The following CFAP54 variants were observed in gnomAD, a reference collection of about 807,000 sequenced individuals.
The protein encoded by CFAP54 is cilia- and flagella-associated protein 54.
Under a neutral mutation model 370.4 loss-of-function variants are expected in CFAP54, and 290 were observed. The ratio of observed to expected loss-of-function variants is 0.78; its 90% CI spans 0.71 to 0.86. CFAP54 has a LOEUF of 0.86. Ranked by LOEUF, CFAP54 falls within the 40% of genes least tolerant of loss-of-function variation. The pLI, the probability that CFAP54 is intolerant of heterozygous loss-of-function variation, is 0.00. For synonymous variants in CFAP54, 1,206 were observed against 1,236.5 expected (o/e 0.98, Z 0.52); for missense variants, 3,399 against 3,528.7 (o/e 0.96, Z 0.93).
chr12:96,721,323 G>A (rs1558980), intron 50 of CFAP54, among the ~76,000 whole-genome samples: 73,449 of 151,990 alleles, frequency 0.48, 18,107 homozygotes, highest in South Asian at 0.54. Flanking sequence ...TAAATGTGCT[G>A]CAATTGTTAG....
intron 35 of CFAP54, 49 bp from the exon 36 acceptor site, chr12:96,651,539 C>A: frequency 6.9e-7 from 1 of 1,442,038 alleles, no homozygotes; most frequent in Non-Finnish European, 9.7e-7. Context: ...GTTCAGAGAT[C>A]TGTAACTTTT....
intron 67 of CFAP54, among the ~76,000 whole-genome samples, chr12:96,872,298 A>G (rs1393280713): frequency 6.6e-6 from 1 of 151,498 alleles, no homozygotes; most frequent in East Asian, 1.9e-4. Flanking sequence ...TGCTGAAAGA[A>G]AAAAAAAGTC....
Position 96,743,738 on chromosome 12 carries a change from T to C in CFAP54, c.7385T>C (p.Ile2462Thr), listed in dbSNP as rs746707476. Reference sequence around the variant, plus strand: ...ATAATTTTATTTTAATAGGATATAATACATTTGCTGGAAGGAAATGAATTT... The same window carrying C: ...ATAATTTTATTTTAATAGGATATAACACATTTGCTGGAAGGAAATGAATTT... ...ADIMTNLQDI[I>T]HLLEGNEFIS... Residue 2462 changes from isoleucine to threonine, a missense_variant, in exon 54 of 68, where the codon ATA becomes ACA. Around this residue, in one of 3 missense-constraint regions of CFAP54, gnomAD observed 2,796 missense variants for 2,869.7 expected, o/e 0.97. Coordinates refer to ENST00000524981, the MANE Select transcript of CFAP54 (RefSeq NM_001306084.2). 2.2e-5 allele frequency: 36 copies of C among 1,602,444 alleles called. No homozygotes were observed. In the East Asian group the frequency reaches 7.1e-4, roughly 32 times the overall value.
At position 96,544,091 on chromosome 12, in the gene CFAP54, C is replaced by A. The variant is rs557392527; in HGVS notation, c.2077+3104C>A. ...TCCTAAATCCATGTTTTGGCTTCTC[C>A]AAAACTTAACTCTAATAGCCTGCTG... is the stretch of plus-strand genomic sequence containing the variant. On this transcript the variant is annotated intron_variant, in intron 14 of 67. Coordinates refer to ENST00000524981, the MANE Select transcript of CFAP54 (RefSeq NM_001306084.2). Among the ~76,000 whole-genome samples, 92 of 152,188 alleles carry A rather than the reference C, an allele frequency of 6.0e-4. No homozygotes were observed. In the South Asian group the frequency reaches 6.6e-3, roughly 11 times the overall value.
chr12:96,513,080 T>G, intron 5 of CFAP54, 36 bp downstream of exon 5: 1 of 1,316,464 alleles, frequency 7.6e-7, no homozygotes, highest in Non-Finnish European at 1.0e-6. Flanking sequence ...TTCCCCTCTA[T>G]TTCCTGTTTT....
intron 40 of CFAP54, among the ~76,000 whole-genome samples, chr12:96,682,732 A>G (rs1055276308): frequency 6.6e-6 from 1 of 151,994 alleles, no homozygotes; most frequent in African/African-American, 2.4e-5. Context: ...TGGTCCTGAA[A>G]TCTTACTTTT....
intron 50 of CFAP54, among the ~76,000 whole-genome samples, chr12:96,726,791 C>A (rs1957845514): frequency 6.6e-6 from 1 of 151,840 alleles, no homozygotes; most frequent in Non-Finnish European, 1.5e-5. Flanking sequence ...TGGATCTTTC[C>A]TGCTTTCTCT....
intron 34 of CFAP54, among the ~76,000 whole-genome samples, chr12:96,649,085 T>C (rs1435377978): frequency 6.6e-6 from 1 of 152,214 alleles, no homozygotes; most frequent in East Asian, 1.9e-4. Context: ...GTAATGACAT[T>C]TTAAGTGCTA....
chr12:96,659,648 A>G (rs1956968922), intron 38 of CFAP54, among the ~76,000 whole-genome samples: 2 of 152,228 alleles, frequency 1.3e-5, no homozygotes, highest in Non-Finnish European at 2.9e-5. Context: ...AAGTCATGGT[A>G]TATCTTGAAT....
intron 28 of CFAP54, among the ~76,000 whole-genome samples, chr12:96,625,289 A>G (rs1047554094): frequency 4.6e-5 from 7 of 152,236 alleles, no homozygotes; most frequent in African/African-American, 1.2e-4. Context: ...TTTCATAACT[A>G]AAAAATGTCA....
In CFAP54 at chr12:96,811,809, C is replaced by T; in HGVS notation, c.8924C>T (p.Thr2975Ile). The change falls in exon 64 of 68, where the codon ACA becomes ATA. Residue 2975 changes from threonine to isoleucine, a missense_variant. This residue lies in a region of CFAP54 where 2,796 missense variants were observed against 2,869.7 expected (regional missense o/e 0.97). Coordinates refer to ENST00000524981, the MANE Select transcript of CFAP54 (RefSeq NM_001306084.2). Reference protein sequence around the residue: ...SDVRHSTYNSTCVGSLWIPLN... With the variant: ...SDVRHSTYNSICVGSLWIPLN... Reference sequence around the variant, plus strand: ...GTTAGACATTCCACTTATAACAGTACATGTGTTGGCTCTTTATGGATTCCA... The same window carrying T: ...GTTAGACATTCCACTTATAACAGTATATGTGTTGGCTCTTTATGGATTCCA... The T allele has an allele frequency of 6.6e-7, 1 of 1,518,544 alleles. No individual in the cohort carries two copies. Among genetic ancestry groups the T allele is most frequent in the Non-Finnish European group, 8.8e-7 (1 of 1,139,962 alleles). The allele number at this position is 1,518,544 out of a possible 1,614,324, so 94.1% of individuals were successfully genotyped here.
intron 22 of CFAP54, among the ~76,000 whole-genome samples, chr12:96,581,765 C>T (rs1592862483): frequency 6.6e-6 from 1 of 151,846 alleles, no homozygotes; most frequent in East Asian, 1.9e-4. Flanking sequence ...ATTTTACATC[C>T]TGATATTTTC....
intron 4 of CFAP54, among the ~76,000 whole-genome samples, chr12:96,509,815 C>CAAAAA (rs61180247): frequency 4.1e-5 from 6 of 145,008 alleles, no homozygotes; most frequent in African/African-American, 1.5e-4. Context: ...GTCTCCATCT[C>CAAAAA]AAAAAAAAAA....
chr12:96,764,017 C>T (rs57764607), intron 58 of CFAP54, 134 bp from the exon 59 acceptor site: 5,496 of 534,636 alleles, frequency 0.01, 192 homozygotes, highest in African/African-American at 0.084. Context: ...CAATGTATTT[C>T]GAATATCTTC....
At chr12:96,532,902 T>A (rs1955455768) in intron 9 of CFAP54, among the ~76,000 whole-genome samples, 1 of 152,172 alleles carries the variant, frequency 6.6e-6, no homozygotes, top group South Asian at 2.1e-4. Flanking sequence ...ATTACAAACA[T>A]AAGCCACTGT....
rs1413896648 is a variant in CFAP54 at position 96,503,931 on chromosome 12, C to A, written c.469C>A (p.Gln157Lys). The change falls in exon 3 of 68, where the codon CAG (glutamine) becomes AAG (lysine). Residue 157 changes from glutamine (Q) to lysine (K), a missense_variant. Coordinates refer to ENST00000524981, the MANE Select transcript of CFAP54 (RefSeq NM_001306084.2). ...ACAATGCTATGGAAGATATCTTCAG[C>A]AGTTCAATACCAATTTTGATGAGAA... ...LLQCYGRYLQ[Q>K]FNTNFDENKV... is the part of the protein sequence containing the mutation. 1.3e-6 allele frequency: 2 copies of A among 1,524,290 alleles called. 1 individual carries two copies. The highest frequency in any genetic ancestry group is 2.5e-5 in the South Asian group (2 of 81,450). The allele number at this position is 1,524,290 out of a possible 1,614,324, so 94.4% of individuals were successfully genotyped here. A position where few individuals can be genotyped will look rare whatever the true frequency, so the allele number is the denominator to read the frequency against.
chr12:96,730,353 C>T (rs997741236), intron 50 of CFAP54, among the ~76,000 whole-genome samples: 3 of 152,060 alleles, frequency 2.0e-5, no homozygotes, highest in African/African-American at 7.2e-5. Context: ...AAGATAGCAC[C>T]GAGTCAAATA....
chr12:96,744,553 ATAAC>A (rs1958089978), intron 55 of CFAP54, among the ~76,000 whole-genome samples: 1 of 152,222 alleles, frequency 6.6e-6, no homozygotes, highest in South Asian at 2.1e-4. Context: ...TATTTAAATT[ATAAC>A]TAACTGTTAA....
At chr12:96,564,446 T>G (rs986434762) in intron 17 of CFAP54, 22 bp from the exon 18 acceptor site, 1 of 687,450 alleles carries the variant, frequency 1.5e-6, no homozygotes, top group Non-Finnish European at 2.6e-6. Flanking sequence ...TTAATTGTTA[T>G]GACAGTCGTC....
Sources: allele counts gnomAD v4.1 joint callset (sites outside exome capture counted in the v4.1 genomes callset), GRCh38; gene constraint gnomAD v4.1.1; regional missense constraint gnomAD v4.1.1; transcripts MANE v1.5; gene names NCBI Gene and HGNC (gene_info 2026-07-23, HGNC 2026-07-21).